BLTP3A: variants seen among roughly 807,000 people sequenced by gnomAD.
BLTP3A encodes the protein bridge-like lipid transfer protein family member 3A.
chr6:34,826,920 G>T, the BLTP3A span, among the ~76,000 whole-genome samples: 304 of 152,212 alleles, frequency 2.0e-3, 1 homozygote, highest in African/African-American at 6.7e-3. Context: ...AGTGAGAAAC[G>T]CTATTTAGAG....
chr6:34,843,468 T>C, the BLTP3A span, among the ~76,000 whole-genome samples: 1 of 152,206 alleles, frequency 6.6e-6, no homozygotes, highest in Non-Finnish European at 1.5e-5. Context: ...TTTTTAATTT[T>C]TATGGGTGAT....
the BLTP3A span, among the ~76,000 whole-genome samples, chr6:34,801,290 T>TA: frequency 5.1e-3 from 782 of 152,300 alleles, 8 homozygotes; most frequent in African/African-American, 0.013. Flanking sequence ...TGTAGTCCAA[T>TA]AGAAATAGTG....
At chr6:34,858,526 C>A in the BLTP3A span, 1 of 1,614,208 alleles carries the variant, frequency 6.2e-7, no homozygotes, top group Non-Finnish European at 8.5e-7. Flanking sequence ...CCCCTTCCCC[C>A]TGTCCATTTG....
chr6:34,826,266 C>T, the BLTP3A span, among the ~76,000 whole-genome samples: 2 of 152,074 alleles, frequency 1.3e-5, no homozygotes. Flanking sequence ...AAATGATCCA[C>T]CCGGCTTGGC....
chr6:34,853,638 G>C, the BLTP3A span, among the ~76,000 whole-genome samples: 479 of 152,008 alleles, frequency 3.2e-3, 8 homozygotes, highest in East Asian at 0.022. Context: ...TCAGCTCACT[G>C]CAACCTCTGC....
the BLTP3A span, among the ~76,000 whole-genome samples, chr6:34,854,818 G>A: frequency 1.7e-4 from 26 of 152,200 alleles, no homozygotes; most frequent in South Asian, 5.0e-3. Flanking sequence ...ATATTTTTGA[G>A]CATCTACTAC....
the BLTP3A span, among the ~76,000 whole-genome samples, chr6:34,861,862 A>G: frequency 6.6e-6 from 1 of 152,184 alleles, no homozygotes; most frequent in Non-Finnish European, 1.5e-5. Flanking sequence ...TAGGGTTATA[A>G]GCATAAGCCA....
At chr6:34,863,053 G>T in the BLTP3A span, among the ~76,000 whole-genome samples, 2 of 151,854 alleles carry the variant, frequency 1.3e-5, no homozygotes, top group Non-Finnish European at 2.9e-5. Flanking sequence ...CTACAGGCGC[G>T]CACCATCATG....
At chr6:34,803,033 G>C in the BLTP3A span, among the ~76,000 whole-genome samples, 2 of 151,774 alleles carry the variant, frequency 1.3e-5, no homozygotes, top group Non-Finnish European at 1.5e-5. Flanking sequence ...AAATTAGCTG[G>C]GTGTGGGGCA....
the BLTP3A span, among the ~76,000 whole-genome samples, chr6:34,802,930 C>T: frequency 6.6e-6 from 1 of 152,024 alleles, no homozygotes; most frequent in Non-Finnish European, 1.5e-5. Context: ...AATCCTAGCC[C>T]TTTGGGAGGC....
At chr6:34,835,870 A>G in the BLTP3A span, among the ~76,000 whole-genome samples, 1 of 152,232 alleles carries the variant, frequency 6.6e-6, no homozygotes, top group Non-Finnish European at 1.5e-5. Context: ...CCTAGAGGAA[A>G]TGTTTTAGCA....
At chr6:34,836,969 C>G in the BLTP3A span, among the ~76,000 whole-genome samples, 2 of 152,186 alleles carry the variant, frequency 1.3e-5, no homozygotes, top group African/African-American at 4.8e-5. Flanking sequence ...GTTTGAGTTT[C>G]CACATTCGTG....
the BLTP3A span, chr6:34,834,971 T>A: frequency 7.3e-7 from 1 of 1,361,304 alleles, no homozygotes; most frequent in African/African-American, 1.5e-5. Flanking sequence ...GAATGACAGT[T>A]GAAGGGGGAA....
chr6:34,810,999 T>C, the BLTP3A span, among the ~76,000 whole-genome samples: 1 of 152,210 alleles, frequency 6.6e-6, no homozygotes, highest in African/African-American at 2.4e-5. Context: ...TTCTAGGCTA[T>C]CAGGTTTGTC....
chr6:34,842,130 T>C, the BLTP3A span, among the ~76,000 whole-genome samples: 9 of 152,220 alleles, frequency 5.9e-5, no homozygotes, highest in Non-Finnish European at 1.3e-4. Flanking sequence ...ATATAGTTTA[T>C]TGTTCTTTTA....
the BLTP3A span, chr6:34,872,590 C>A: frequency 1.0e-6 from 1 of 976,932 alleles, no homozygotes; most frequent in Non-Finnish European, 1.4e-6. Flanking sequence ...GTGTGCTTTC[C>A]ACTAGCTGTT....
the BLTP3A span, among the ~76,000 whole-genome samples, chr6:34,797,033 TAAGG>T: frequency 2.0e-5 from 3 of 152,164 alleles, no homozygotes; most frequent in African/African-American, 7.2e-5. Context: ...CTGTAAAAGA[TAAGG>T]AGGAAGAATA....
At chr6:34,793,836 A>G in the BLTP3A span, among the ~76,000 whole-genome samples, 1 of 151,932 alleles carries the variant, frequency 6.6e-6, no homozygotes, top group Non-Finnish European at 1.5e-5. Context: ...GATCTCACCT[A>G]TCATAGCATT....
chr6:34,825,265 C>G, the BLTP3A span, among the ~76,000 whole-genome samples: 3 of 151,564 alleles, frequency 2.0e-5, no homozygotes, highest in Non-Finnish European at 2.9e-5. Context: ...AAGAATACTT[C>G]CAAGGGGGTG....
Sources: gnomAD v4.1 joint callset for allele counts (sites outside exome capture counted in the v4.1 genomes callset) on GRCh38, gnomAD v4.1.1 for gene constraint, MANE v1.5 for transcripts, NCBI Gene and HGNC (gene_info 2026-07-23, HGNC 2026-07-21) for gene names.